The following FMN1 variants were observed in gnomAD, a reference collection of about 807,000 sequenced individuals.
The protein encoded by FMN1 is formin-1.
Under a neutral mutation model 132.4 loss-of-function variants are expected in FMN1, and 110 were observed. That is an observed-to-expected ratio of 0.83 (90% CI 0.71 to 0.97). The LOEUF (loss-of-function observed/expected upper bound fraction) is 0.97, where lower values mean the gene tolerates loss of function less well. FMN1 is among the 50% of genes least tolerant of loss of function. The pLI is 0.00. For missense variants in FMN1, 1,792 were observed against 1,705.3 expected (o/e 1.05, Z -0.90); for synonymous variants, 722 against 651.7 (o/e 1.11, Z -1.64).
At chr15:32,796,586 A>G (rs1346702421) in intron 19 of FMN1, among the ~76,000 whole-genome samples, 2 of 152,236 alleles carry the variant, frequency 1.3e-5, no homozygotes, top group Admixed American at 6.5e-5. Context: ...ATAGATGTCA[A>G]AACAAAGCAA....
chr15:32,979,774 C>A (rs1482788679), intron 7 of FMN1, among the ~76,000 whole-genome samples: 1 of 152,030 alleles, frequency 6.6e-6, no homozygotes, highest in Non-Finnish European at 1.5e-5. Context: ...GCATTTGATT[C>A]ATCCAGCAAA....
chr15:33,027,342 A>T (rs943037708), intron 6 of FMN1, among the ~76,000 whole-genome samples: 6 of 152,184 alleles, frequency 3.9e-5, no homozygotes, highest in African/African-American at 1.2e-4. Flanking sequence ...TTTTTAGTAT[A>T]AGTGTGTCCC....
At chr15:32,904,933 T>C (rs1032332295) in intron 12 of FMN1, among the ~76,000 whole-genome samples, 6 of 152,186 alleles carry the variant, frequency 3.9e-5, no homozygotes, top group African/African-American at 1.4e-4. Context: ...CTCTTAAATA[T>C]TCCCAAGCAT....
intron 19 of FMN1, among the ~76,000 whole-genome samples, chr15:32,796,738 A>G (rs1016466962): frequency 6.6e-6 from 1 of 152,248 alleles, no homozygotes; most frequent in Non-Finnish European, 1.5e-5. Flanking sequence ...TAGGATTTTA[A>G]GAAAACCCTG....
At chr15:32,858,408 A>G (rs1246707444) in intron 16 of FMN1, among the ~76,000 whole-genome samples, 1 of 152,208 alleles carries the variant, frequency 6.6e-6, no homozygotes, top group Non-Finnish European at 1.5e-5. Flanking sequence ...GGTGCTGAAA[A>G]TGAAAGTACA....
chr15:33,128,104 G>C (rs145093223), intron 4 of FMN1, among the ~76,000 whole-genome samples: 1 of 152,140 alleles, frequency 6.6e-6, no homozygotes, highest in South Asian at 2.1e-4. Flanking sequence ...GAGGCCAGAA[G>C]AAGGGAGAGG....
At chr15:32,816,054 A>G (rs1352469527) in intron 17 of FMN1, among the ~76,000 whole-genome samples, 1 of 152,154 alleles carries the variant, frequency 6.6e-6, no homozygotes, top group African/African-American at 2.4e-5. Context: ...ACATTAGTTA[A>G]GTAAATACCG....
chr15:32,955,554 G>GTA (rs928946063), intron 9 of FMN1, among the ~76,000 whole-genome samples: 1 of 152,132 alleles, frequency 6.6e-6, no homozygotes, highest in African/African-American at 2.4e-5. Flanking sequence ...CTCCAACCCC[G>GTA]TAACAGAATC....
chr15:33,097,279 G>A (rs763147396), intron 4 of FMN1, among the ~76,000 whole-genome samples: 8 of 149,978 alleles, frequency 5.3e-5, no homozygotes, highest in Non-Finnish European at 7.4e-5. Context: ...ACTACAGCCT[G>A]GATGACAGAG....
chr15:32,928,705 C>T (rs1299413663), intron 9 of FMN1, among the ~76,000 whole-genome samples: 1 of 152,164 alleles, frequency 6.6e-6, no homozygotes, highest in Non-Finnish European at 1.5e-5. Flanking sequence ...ACAACCATGG[C>T]ATACACATCA....
intron 7 of FMN1, 28 bp from the exon 8 acceptor site, chr15:32,969,505 G>A (rs1258326188): frequency 1.2e-6 from 2 of 1,604,452 alleles, no homozygotes; most frequent in Non-Finnish European, 8.5e-7. Context: ...GGGAAAGAAA[G>A]TAATGAGTTT....
At chr15:33,001,933 G>C (rs2034142827) in intron 7 of FMN1, among the ~76,000 whole-genome samples, 1 of 151,992 alleles carries the variant, frequency 6.6e-6, no homozygotes, top group Admixed American at 6.6e-5. Context: ...GGAACTACAG[G>C]GTAAAATAAT....
chr15:33,126,929 C>A (rs1048196889), intron 4 of FMN1, among the ~76,000 whole-genome samples: 1 of 152,176 alleles, frequency 6.6e-6, no homozygotes, highest in Non-Finnish European at 1.5e-5. Flanking sequence ...CTTGATTAAA[C>A]GTAAGGTGAC....
At chr15:33,001,085 T>C (rs1405678262) in intron 7 of FMN1, among the ~76,000 whole-genome samples, 1 of 152,104 alleles carries the variant, frequency 6.6e-6, no homozygotes, top group Non-Finnish European at 1.5e-5. Context: ...GAGTTCAAGA[T>C]CAGCCTGGCC....
At chr15:32,877,442 A>G (rs570161656) in intron 16 of FMN1, among the ~76,000 whole-genome samples, 1 of 152,320 alleles carries the variant, frequency 6.6e-6, no homozygotes, top group African/African-American at 2.4e-5. Context: ...AGTCTTGCAA[A>G]TGGTCAGAAT....
chr15:32,956,033 G>T (rs2061759959), intron 9 of FMN1, among the ~76,000 whole-genome samples: 1 of 152,074 alleles, frequency 6.6e-6, no homozygotes, highest in African/African-American at 2.4e-5. Context: ...TGGGTAATTT[G>T]CTGTGAAATT....
At chr15:32,903,105 G>A (rs990042418) in intron 12 of FMN1, among the ~76,000 whole-genome samples, 9 of 152,274 alleles carry the variant, frequency 5.9e-5, no homozygotes, top group Admixed American at 5.2e-4. Context: ...GGAGATTTGG[G>A]TTTTAATTAA....
At chr15:33,145,390 T>C (rs916253167) in intron 4 of FMN1, among the ~76,000 whole-genome samples, 6 of 151,832 alleles carry the variant, frequency 4.0e-5, no homozygotes, top group Admixed American at 6.6e-5. Context: ...GCACCTCCAA[T>C]AGGGACACTG....
At chr15:33,090,996 C>T (rs2038882833) in intron 4 of FMN1, among the ~76,000 whole-genome samples, 1 of 152,164 alleles carries the variant, frequency 6.6e-6, no homozygotes, top group Admixed American at 6.5e-5. Flanking sequence ...ACCTCATCTT[C>T]CAAGATGTTT....
Sources: allele counts gnomAD v4.1 joint callset (sites outside exome capture counted in the v4.1 genomes callset), GRCh38; gene constraint gnomAD v4.1.1; transcripts MANE v1.5; gene names NCBI Gene and HGNC (gene_info 2026-07-23, HGNC 2026-07-21).